The following IL1RAPL2 variants were observed in gnomAD, a reference collection of about 807,000 sequenced individuals.
The protein encoded by IL1RAPL2 is X-linked interleukin-1 receptor accessory protein-like 2.
IL1RAPL2 carries 3 observed loss-of-function variants against 44.1 expected under a neutral mutation model. The ratio of observed to expected loss-of-function variants is 0.07; its 90% CI spans 0.03 to 0.18. The LOEUF (loss-of-function observed/expected upper bound fraction) is 0.18, where lower values mean the gene tolerates loss of function less well. Ranked by LOEUF, IL1RAPL2 falls within the 10% of genes least tolerant of loss-of-function variation. The pLI is 1.00. For missense variants in IL1RAPL2, 391 were observed against 496.4 expected, an observed-to-expected ratio of 0.79 and a Z score of 2.02; for synonymous variants, 181 against 178.8, an observed-to-expected ratio of 1.01 and a Z score of -0.10.
At chrX:105,192,060 C>T (rs947562883) in intron 2 of IL1RAPL2, among the ~76,000 whole-genome samples, 9 of 111,936 alleles carry the variant, frequency 8.0e-5, no homozygotes, top group African/African-American at 9.8e-5. Flanking sequence ...TGAGATCAAG[C>T]GCACCAGTTG....
chrX:105,219,351 C>T (rs938384055), intron 3 of IL1RAPL2: 17 of 1,209,121 alleles, frequency 1.4e-5, no homozygotes, highest in Non-Finnish European at 1.9e-5. Context: ...ACCAGGGGTT[C>T]GTGGTTCCAG....
chrX:105,489,334 A>AT (rs1231342320), intron 6 of IL1RAPL2, among the ~76,000 whole-genome samples: 1 of 111,713 alleles, frequency 9.0e-6, no homozygotes. Context: ...ATTTTCAATA[A>AT]TTTTTTCTAA....
At chrX:104,710,144 G>C (rs1301925231) in intron 2 of IL1RAPL2, among the ~76,000 whole-genome samples, 1 of 110,966 alleles carries the variant, frequency 9.0e-6, no homozygotes, top group African/African-American at 3.3e-5. Flanking sequence ...ATATATATGT[G>C]AAAGAACTGA....
intron 6 of IL1RAPL2, among the ~76,000 whole-genome samples, chrX:105,590,064 TATA>T (rs2037157298): frequency 9.0e-6 from 1 of 111,718 alleles, no homozygotes; most frequent in Admixed American, 9.5e-5. Context: ...AGCAGTGTTT[TATA>T]ATTCTCATTG....
chrX:105,697,970 G>GGA (rs1319543922), intron 6 of IL1RAPL2, among the ~76,000 whole-genome samples: 1 of 110,983 alleles, frequency 9.0e-6, no homozygotes, highest in African/African-American at 3.3e-5. Context: ...TAATTATGTA[G>GGA]TTATATAAGC....
At chrX:104,956,495 T>TGTG (rs1556020850) in intron 2 of IL1RAPL2, among the ~76,000 whole-genome samples, 1 of 108,599 alleles carries the variant, frequency 9.2e-6, no homozygotes, top group Admixed American at 9.8e-5. Context: ...TGTGTGTGTG[T>TGTG]TATGCCGGGC....
chrX:104,613,242 AGTT>A (rs1415881581), intron 1 of IL1RAPL2, among the ~76,000 whole-genome samples: 7 of 111,327 alleles, frequency 6.3e-5, no homozygotes, highest in Non-Finnish European at 1.3e-4. Context: ...GTCTTATTCC[AGTT>A]GTCAAGGGGA....
At chrX:104,796,018 G>GC (rs754112152) in intron 2 of IL1RAPL2, among the ~76,000 whole-genome samples, 1 of 112,223 alleles carries the variant, frequency 8.9e-6, no homozygotes, top group East Asian at 2.8e-4. Context: ...CTCAGCTATA[G>GC]ATCTCACTTC....
intron 2 of IL1RAPL2, among the ~76,000 whole-genome samples, chrX:104,710,071 T>C (rs1931431150): frequency 9.0e-6 from 1 of 111,369 alleles, no homozygotes; most frequent in South Asian, 3.7e-4. Context: ...TGGAAAGCAG[T>C]TTGGCAGTTT....
At chrX:105,430,564 T>C (rs759460663) in intron 5 of IL1RAPL2, among the ~76,000 whole-genome samples, 5 of 111,715 alleles carry the variant, frequency 4.5e-5, no homozygotes, top group Admixed American at 9.5e-5. Flanking sequence ...TCATTTTCTG[T>C]TAGAATATTA....
At chrX:105,221,289 AC>A (rs1218292071) in intron 3 of IL1RAPL2, among the ~76,000 whole-genome samples, 1 of 110,862 alleles carries the variant, frequency 9.0e-6, no homozygotes, top group East Asian at 2.8e-4. Context: ...ATCTAGATTC[AC>A]ATTTCATACA....
At chrX:105,489,423 G>A (rs2036293335) in intron 6 of IL1RAPL2, among the ~76,000 whole-genome samples, 2 of 111,356 alleles carry the variant, frequency 1.8e-5, no homozygotes, top group Non-Finnish European at 3.8e-5. Context: ...GTAAGGACAT[G>A]TGCCCCATTT....
At chrX:105,702,523 C>G (rs1421569865) in intron 6 of IL1RAPL2, among the ~76,000 whole-genome samples, 9 of 111,654 alleles carry the variant, frequency 8.1e-5, no homozygotes, top group Non-Finnish European at 1.5e-4. Flanking sequence ...AATAACAACC[C>G]CTCATATTGG....
chrX:104,829,843 A>G (rs903737207), intron 2 of IL1RAPL2, among the ~76,000 whole-genome samples: 1 of 112,327 alleles, frequency 8.9e-6, no homozygotes, highest in African/African-American at 3.2e-5. Flanking sequence ...CACTTAGTGC[A>G]TGGACAGGTA....
chrX:105,237,543 G>T (rs933559936), intron 4 of IL1RAPL2, among the ~76,000 whole-genome samples: 12 of 111,765 alleles, frequency 1.1e-4, no homozygotes, highest in Non-Finnish European at 1.9e-5. Flanking sequence ...CATTCTAACT[G>T]GTGTGAGATG....
intron 6 of IL1RAPL2, among the ~76,000 whole-genome samples, chrX:105,563,355 T>A (rs751580345): frequency 1.8e-4 from 20 of 111,662 alleles, no homozygotes; most frequent in Non-Finnish European, 3.8e-4. Flanking sequence ...CTATAATACT[T>A]GGCATTTTTG....
intron 2 of IL1RAPL2, among the ~76,000 whole-genome samples, chrX:104,673,238 G>T (rs1020111196): frequency 1.2e-4 from 13 of 111,588 alleles, no homozygotes; most frequent in Admixed American, 3.8e-4. Flanking sequence ...TAGGTCTAAC[G>T]TTTAAGTCTT....
At chrX:104,787,621 T>C (rs1932805594) in intron 2 of IL1RAPL2, among the ~76,000 whole-genome samples, 1 of 111,516 alleles carries the variant, frequency 9.0e-6, no homozygotes, top group African/African-American at 3.3e-5. Context: ...TTCCTGATGA[T>C]TCTGTGGTAC....
chrX:104,613,107 A>G (rs1421894781), intron 1 of IL1RAPL2, among the ~76,000 whole-genome samples: 1 of 112,228 alleles, frequency 8.9e-6, no homozygotes, highest in African/African-American at 3.2e-5. Flanking sequence ...ATAGAATTAT[A>G]TCATCCATGA....
Sources: gnomAD v4.1 joint callset for allele counts (sites outside exome capture counted in the v4.1 genomes callset) on GRCh38, gnomAD v4.1.1 for gene constraint, MANE v1.5 for transcripts, NCBI Gene and HGNC (gene_info 2026-07-23, HGNC 2026-07-21) for gene names.